Variants in NECAB3 observed in about 807,000 individuals in gnomAD.
NECAB3 encodes N-terminal EF-hand calcium binding protein 3.
A neutral mutation model predicts 57.2 loss-of-function variants in NECAB3; 38 were observed. The observed-to-expected ratio is 0.66, with a 90% CI of 0.51 to 0.87. The LOEUF (loss-of-function observed/expected upper bound fraction) is 0.87, where lower values mean the gene tolerates loss of function less well. Among genes scored for constraint, NECAB3 ranks in the 40% least tolerant of loss-of-function variants. The probability of loss-of-function intolerance (pLI) is 0.00; values close to 1 mark genes in which losing one functional copy is unlikely to be tolerated. For missense variants in NECAB3, 474 were observed against 527.5 expected (o/e 0.90, Z 0.99); for synonymous variants, 223 against 222.6 (o/e 1.00, Z -0.02).
In NECAB3 at chr20:33,660,260, G is replaced by T. The variant is rs746352570; in HGVS notation, c.523C>A (p.Arg175=). 2 of 1,612,028 alleles carry T rather than the reference G, an allele frequency of 1.2e-6. No individual in the cohort carries two copies. Among genetic ancestry groups the T allele is most frequent in the African/African-American group, 1.3e-5 (1 of 75,022 alleles). The change falls in exon 6 of 12, where the codon CGG becomes AGG. Residue 175 remains arginine, a splice_region_variant and synonymous_variant. Coordinates refer to ENST00000246190, the MANE Select transcript of NECAB3 (RefSeq NM_031232.4). This position sits in a 1 kb window ranked among gnomAD's most constrained non-coding sequence, Gnocchi z 4.1. ...DTLEAQAHGW[R]SDAESVEAQS... ...CAGGTTGACAGCACCCTTACATACC[G>T]CCAGCCATGGGCCTGGGCCTCCAGG...
chr20:33,659,910 G>C lies in NECAB3; in HGVS notation c.618C>G (p.Thr206=). Residue 206 remains threonine (T), a synonymous_variant, in exon 7 of 12, where the codon ACC becomes ACG. Transcript: ENST00000246190. Reference sequence around the variant, plus strand: ...CTGTGTCAGAAGAGCCGGGGGACCAGGTGGATGACCGGCTGACACTCCTCA... The same window carrying C: ...CTGTGTCAGAAGAGCCGGGGGACCACGTGGATGACCGGCTGACACTCCTCA... ...RALRSVSRSS[T]WSPGSSDTGR... 6.5e-7 allele frequency: 1 copy of C among 1,547,736 alleles called. No homozygotes were observed. Among genetic ancestry groups the C allele is most frequent in the Non-Finnish European group, 8.7e-7 (1 of 1,148,282 alleles).
chr20:33,667,909 C>A (rs889200705), intron 5 of NECAB3: 2 of 1,574,174 alleles, frequency 1.3e-6, no homozygotes, highest in Non-Finnish European at 1.7e-6. Context: ...CCAGGCTGAG[C>A]AGGGGCTGCC....
intron 5 of NECAB3, chr20:33,667,245 C>T (rs1050661918): frequency 9.9e-6 from 4 of 404,226 alleles, no homozygotes; most frequent in Non-Finnish European, 1.7e-5. Context: ...CCAGCTGGGA[C>T]CGGCCGGTGC....
rs771720659 is a variant in NECAB3 at position 33,660,039 on chromosome 20, G to A, written c.525-36C>T. 1.9e-6 allele frequency: 3 copies of A among 1,562,232 alleles called. No individual in the cohort carries two copies. The highest frequency in any genetic ancestry group is 2.3e-5 in the South Asian group (2 of 87,000). On this transcript the variant is annotated intron_variant, in intron 6 of 11. Transcript: ENST00000246190. This position sits in a 1 kb window ranked among gnomAD's most constrained non-coding sequence, Gnocchi z 4.1. ...TGAGGCTCACAGGGCCGAGGACTGG[G>A]GCCCCAGGACGGGATAAGCCTGGGT... is the stretch of plus-strand genomic sequence containing the variant.
intron 5 of NECAB3, chr20:33,667,794 C>A: frequency 6.2e-7 from 1 of 1,612,592 alleles, no homozygotes; most frequent in South Asian, 1.1e-5. Flanking sequence ...GCGACCCCGC[C>A]CGCCACCATC....
chr20:33,672,432 A>G lies in NECAB3; in HGVS notation c.130-10T>C, dbSNP rs1364296621. 9 of 1,614,022 alleles carry G rather than the reference A, an allele frequency of 5.6e-6. No individual in the cohort carries two copies. Among genetic ancestry groups the G allele is most frequent in the Non-Finnish European group, 7.6e-6 (9 of 1,180,006 alleles). On this transcript the variant is annotated splice_polypyrimidine_tract_variant and intron_variant, in intron 1 of 11. Transcript: ENST00000246190. ...CTGCTCTGCGGAAAACCTAGAGGAC[A>G]AAGGGACATAGAGAGAACTGTGAGT...
At position 33,670,693 on chromosome 20, in the gene NECAB3, T is replaced by G; in HGVS notation, c.254A>C (p.His85Pro). ...LQELFSGIDGHLTDNLETEKL... is the reference protein window; with the variant it reads ...LQELFSGIDGPLTDNLETEKL... ...CCCCTCTCATACTCACTCGGTGAGA[T>G]GCCCATCAATGCCGCTGAACAGTTC... Residue 85 changes from histidine to proline, a missense_variant, in exon 3 of 12, where the codon CAT (histidine) becomes CCT (proline). Physicochemically the swap from His to Pro is moderately conservative, Grantham distance 77. Transcript: ENST00000246190. 6.2e-7 allele frequency: 1 copy of G among 1,613,452 alleles called. No homozygotes were observed. The highest frequency in any genetic ancestry group is 8.5e-7 in the Non-Finnish European group (1 of 1,179,502).
At chr20:33,662,218 G>A (rs1327765795) in intron 5 of NECAB3, 8 of 1,262,406 alleles carry the variant, frequency 6.3e-6, no homozygotes, top group South Asian at 1.5e-5. Flanking sequence ...TCACCTGTGG[G>A]CCCTGGAAGG....
intron 5 of NECAB3, chr20:33,666,934 C>T (rs1329605650): frequency 6.5e-6 from 1 of 152,878 alleles, no homozygotes; most frequent in East Asian, 1.9e-4. Context: ...GTGATTTGGT[C>T]CAGAAGAGGA....
At position 33,660,168 on chromosome 20, in the gene NECAB3, G is replaced by A; in HGVS notation, c.524+91C>T. 1 of 1,543,954 alleles carries A rather than the reference G, an allele frequency of 6.5e-7. No individual in the cohort carries two copies. On this transcript the variant is annotated intron_variant, in intron 6 of 11. Transcript: ENST00000246190. The surrounding 1 kb of genome is among the most constrained non-coding windows in gnomAD (Gnocchi z 4.1). ...ATGGCTTCCCCGCCCGAAAATGCAG[G>A]CTCCAGGATGCTGGGACTGTGGGGA...
intron 5 of NECAB3, among the ~76,000 whole-genome samples, chr20:33,661,551 C>T (rs933988749): frequency 1.3e-5 from 2 of 152,168 alleles, no homozygotes; most frequent in African/African-American, 2.4e-5. Flanking sequence ...CAAAAAATTC[C>T]TTTTTGGGTA....
intron 1 of NECAB3, among the ~76,000 whole-genome samples, chr20:33,673,485 G>A (rs987287609): frequency 1.3e-5 from 2 of 152,140 alleles, no homozygotes; most frequent in African/African-American, 4.8e-5. Context: ...GGACATCTGG[G>A]GTCACCCTAT....
At chr20:33,662,323 C>A (rs2017503330) in intron 5 of NECAB3, 1 of 1,550,320 alleles carries the variant, frequency 6.5e-7, no homozygotes, top group Non-Finnish European at 8.7e-7. Context: ...GGGCCATCGT[C>A]CCCAGTGGTG....
chr20:33,674,637 G>C (rs1268762645), upstream of NECAB3: 1 of 159,762 alleles, frequency 6.3e-6, no homozygotes, highest in African/African-American at 2.4e-5. Flanking sequence ...GGCCTACCCA[G>C]AGGGACAGGA....
At chr20:33,667,298 G>C in intron 5 of NECAB3, 1 of 616,880 alleles carries the variant, frequency 1.6e-6, no homozygotes, top group Middle Eastern at 4.7e-4. Flanking sequence ...GGCGTGGCGC[G>C]GGCGCACCCC....
intron 5 of NECAB3, chr20:33,662,522 G>A: frequency 6.5e-7 from 1 of 1,540,140 alleles, no homozygotes; most frequent in African/African-American, 1.4e-5. Flanking sequence ...GGGGGGCAGA[G>A]AAAGCTGGAC....
chr20:33,673,269 G>C (rs1047859834), intron 1 of NECAB3, among the ~76,000 whole-genome samples: 1 of 152,198 alleles, frequency 6.6e-6, no homozygotes, highest in Non-Finnish European at 1.5e-5. Flanking sequence ...CCTGGGCCGA[G>C]AGCCCCCATG....
At chr20:33,666,439 C>G (rs892311841) in intron 5 of NECAB3, 1 of 152,344 alleles carries the variant, frequency 6.6e-6, no homozygotes, top group Non-Finnish European at 1.5e-5. Context: ...AGTGAGGTCA[C>G]AATGAGCCCA....
chr20:33,667,959 G>T (rs1235091848), intron 5 of NECAB3: 11 of 1,551,428 alleles, frequency 7.1e-6, no homozygotes, highest in Non-Finnish European at 9.6e-6. Flanking sequence ...TGCCCAAAAC[G>T]CTGCGGACAC....
Sources: allele counts gnomAD v4.1 joint callset (sites outside exome capture counted in the v4.1 genomes callset), GRCh38; gene constraint gnomAD v4.1.1; non-coding constraint Gnocchi (gnomAD v3.1); transcripts MANE v1.5; gene names NCBI Gene and HGNC (gene_info 2026-07-23, HGNC 2026-07-21).